EPSTI1: variants seen among roughly 807,000 people sequenced by gnomAD.
The protein encoded by EPSTI1 is epithelial stromal interaction 1.
Under a neutral mutation model 49.9 loss-of-function variants are expected in EPSTI1, and 66 were observed. The ratio of observed to expected loss-of-function variants is 1.32; its 90% confidence interval spans 1.08 to 1.62. EPSTI1 has a LOEUF of 1.62. Among genes scored for constraint, EPSTI1 ranks in the 40% most tolerant of loss-of-function variants. The probability of loss-of-function intolerance (pLI) is 0.00; values close to 1 mark genes in which losing one functional copy is unlikely to be tolerated. For missense variants in EPSTI1, 394 were observed against 365.5 expected (o/e 1.08, Z -0.64); for synonymous variants, 137 against 130.7 (o/e 1.05, Z -0.33).
At chr13:42,901,937 T>A (rs554662431) in intron 8 of EPSTI1, among the ~76,000 whole-genome samples, 2 of 107,566 alleles carry the variant, frequency 1.9e-5, no homozygotes, top group Non-Finnish European at 3.6e-5. Context: ...CCCACAACAG[T>A]CCCCAGAGTG....
Position 42,944,599 on chromosome 13 carries a change from C to T in EPSTI1, c.563+9349G>A, listed in dbSNP as rs181869243. Among the ~76,000 whole-genome samples, 7 of 152,076 alleles carry T rather than the reference C, an allele frequency of 4.6e-5. No individual in the cohort carries two copies. In the South Asian group the frequency reaches 6.2e-4, roughly 14 times the overall value. ...TGAATTGATGGGTGCAGCAAACCAC[C>T]GTGGCACGTGTATACCTATGTAACA... On this transcript the variant is annotated intron_variant, in intron 6 of 10. Coordinates refer to ENST00000313624, the MANE Select transcript of EPSTI1 (RefSeq NM_033255.5).
chr13:42,916,867 A>G (rs1429495465), intron 8 of EPSTI1, among the ~76,000 whole-genome samples: 1 of 152,162 alleles, frequency 6.6e-6, no homozygotes, highest in Non-Finnish European at 1.5e-5. Flanking sequence ...GGTCTTTCTC[A>G]TCATTCTCAT....
At chr13:42,891,789 C>T (rs1186385700) in intron 10 of EPSTI1, among the ~76,000 whole-genome samples, 7 of 152,146 alleles carry the variant, frequency 4.6e-5, no homozygotes, top group Admixed American at 3.9e-4. Context: ...CCACTGAACA[C>T]AACAATCCAA....
intron 3 of EPSTI1, among the ~76,000 whole-genome samples, chr13:42,965,123 A>G (rs1190349908): frequency 2.6e-5 from 4 of 152,330 alleles, no homozygotes; most frequent in Admixed American, 1.3e-4. Context: ...CAAAACAGTA[A>G]GGAATGTTGA....
intron 9 of EPSTI1, among the ~76,000 whole-genome samples, chr13:42,895,538 T>C (rs2037166286): frequency 6.6e-6 from 1 of 152,198 alleles, no homozygotes; most frequent in African/African-American, 2.4e-5. Context: ...CCTTCCTATA[T>C]TCCCTGCACT....
chr13:42,956,230 C>T (rs555077575), intron 5 of EPSTI1, among the ~76,000 whole-genome samples: 2 of 152,302 alleles, frequency 1.3e-5, no homozygotes, highest in South Asian at 2.1e-4. Context: ...AGCCAAGAAG[C>T]GGAATAACAC....
rs943051849 is a variant in EPSTI1, at chr13:42,991,841, G to C, written c.188+137C>G. 5 of 971,072 alleles carry C rather than the reference G, an allele frequency of 5.1e-6. No individual in the cohort carries two copies. In the Admixed American group the frequency reaches 1.2e-4, roughly 23 times the overall value. 60.2% of individuals were successfully genotyped at this position (971,072 alleles called of 1,614,324 possible). On this transcript the variant is annotated intron_variant, in intron 1 of 10. Coordinates refer to ENST00000313624, the MANE Select transcript of EPSTI1 (RefSeq NM_033255.5). ...GTGCGGCATGGATACTTTCATTTAAGCAAATGAGCTTTCATTCAGTCAAAA... is the reference window on the plus strand; with the variant it reads ...GTGCGGCATGGATACTTTCATTTAACCAAATGAGCTTTCATTCAGTCAAAA...
In EPSTI1 at chr13:42,992,106, C is replaced by T. The variant is rs2040207693; in HGVS notation, c.60G>A (p.Pro20=). The T allele has an allele frequency of 6.2e-7, 1 of 1,611,488 alleles. No homozygotes were observed. The highest frequency in any genetic ancestry group is 1.3e-5 in the African/African-American group (1 of 75,008). ...SGLGASPASR[P]TRDPQDPSGR... is the part of the protein sequence containing the mutation. ...CAGAAGGGTCCTGGGGATCCCGGGT[C>T]GGGCGGGAGGCAGGGGAGGCGCCGA... The change falls in exon 1 of 11, where the codon CCG becomes CCA. Residue 20 remains proline (P), a synonymous_variant. Coordinates refer to ENST00000313624, the MANE Select transcript of EPSTI1 (RefSeq NM_033255.5).
chr13:42,959,832 A>G (rs1020647001), intron 5 of EPSTI1, among the ~76,000 whole-genome samples: 2 of 152,240 alleles, frequency 1.3e-5, no homozygotes, highest in Admixed American at 6.5e-5. Context: ...TGTGAGTTCC[A>G]TATCTGCTGA....
intron 6 of EPSTI1, among the ~76,000 whole-genome samples, chr13:42,948,447 T>TGC: frequency 7.0e-6 from 1 of 142,518 alleles, no homozygotes; most frequent in African/African-American, 2.6e-5. Context: ...TTTTTGCTGT[T>TGC]TGTTTGTTTT....
intron 6 of EPSTI1, 61 bp downstream of exon 6, chr13:42,953,886 AT>A: frequency 7.3e-7 from 1 of 1,377,638 alleles, no homozygotes. Flanking sequence ...CATCACCTGA[AT>A]TTAAAACCTC....
In EPSTI1 at chr13:42,947,919, T is replaced by C. The variant is rs966557641; in HGVS notation, c.563+6029A>G. ...TCTGGACCGTTAAGGCCTTGGTCCA[T>C]TGTCATCAATAACGAGGCAGGCCTC... On this transcript the variant is annotated intron_variant, in intron 6 of 10. Transcript: ENST00000313624. 7.2e-5 allele frequency among the ~76,000 whole-genome samples: 11 copies of C among 152,358 alleles called. No individual in the cohort carries two copies. The South Asian group carries it at 1.0e-3, about 14-fold the overall frequency.
chr13:42,951,367 A>C (rs1208894580), intron 6 of EPSTI1, among the ~76,000 whole-genome samples: 1 of 152,272 alleles, frequency 6.6e-6, no homozygotes, highest in Non-Finnish European at 1.5e-5. Flanking sequence ...CTTTCAAAGA[A>C]GAACCTCACA....
chr13:42,964,875 G>A (rs910890390), intron 3 of EPSTI1, among the ~76,000 whole-genome samples: 26 of 152,276 alleles, frequency 1.7e-4, no homozygotes, highest in Admixed American at 1.3e-4. Context: ...CTTGGTGTGC[G>A]TATTATAAAG....
At chr13:42,984,130 AT>A (rs2040037317) in intron 1 of EPSTI1, among the ~76,000 whole-genome samples, 1 of 152,198 alleles carries the variant, frequency 6.6e-6, no homozygotes, top group Non-Finnish European at 1.5e-5. Context: ...GACTTAAATA[AT>A]CCCCTAATGA....
chr13:42,986,768 A>C (rs1005071983), intron 1 of EPSTI1, among the ~76,000 whole-genome samples: 9 of 141,758 alleles, frequency 6.3e-5, no homozygotes, highest in African/African-American at 2.2e-4. Context: ...AAAAAAAAAA[A>C]AAACAACTTG....
chr13:42,930,302 A>C (rs1220776484), intron 6 of EPSTI1, among the ~76,000 whole-genome samples: 1 of 152,232 alleles, frequency 6.6e-6, no homozygotes, highest in Non-Finnish European at 1.5e-5. Context: ...TCGTACATGC[A>C]TGCATGCATT....
At chr13:42,912,251 G>C (rs1300056917) in intron 8 of EPSTI1, among the ~76,000 whole-genome samples, 1 of 152,232 alleles carries the variant, frequency 6.6e-6, no homozygotes, top group Non-Finnish European at 1.5e-5. Flanking sequence ...AGGAGCTCCA[G>C]GAGGGAATAC....
At chr13:42,943,124 TG>T (rs1324143737) in intron 6 of EPSTI1, among the ~76,000 whole-genome samples, 1 of 152,250 alleles carries the variant, frequency 6.6e-6, no homozygotes, top group Non-Finnish European at 1.5e-5. Context: ...TTCATTTTCA[TG>T]TAATTTTTAA....
Sources: gnomAD v4.1 joint callset for allele counts (sites outside exome capture counted in the v4.1 genomes callset) on GRCh38, gnomAD v4.1.1 for gene constraint, MANE v1.5 for transcripts, NCBI Gene and HGNC (gene_info 2026-07-23, HGNC 2026-07-21) for gene names.